OR52A5: variants seen among roughly 807,000 people sequenced by gnomAD.
The protein encoded by OR52A5 is olfactory receptor family 52 subfamily A member 5.
Under a neutral mutation model 18.2 loss-of-function variants are expected in OR52A5, and 16 were observed. The observed-to-expected ratio is 0.88, with a 90% CI of 0.60 to 1.34. The LOEUF (loss-of-function observed/expected upper bound fraction) is 1.34. Among genes scored for constraint, OR52A5 ranks in the 40% most tolerant of loss-of-function variants. The pLI, the probability that OR52A5 is intolerant of heterozygous loss-of-function variation, is 0.00. For synonymous variants in OR52A5, 140 were observed against 137.2 expected (o/e 1.02, Z -0.14); for missense variants, 418 against 383.0 (o/e 1.09, Z -0.76).
intron 1 of OR52A5, among the ~76,000 whole-genome samples, chr11:5,133,033 C>A (rs1199058581): frequency 7.9e-5 from 12 of 152,066 alleles, no homozygotes; most frequent in African/African-American, 2.9e-4. Flanking sequence ...TAATGCAGAG[C>A]AAAGAATTTT....
chr11:5,133,118 C>A (rs1031665437), intron 1 of OR52A5, among the ~76,000 whole-genome samples: 10 of 151,780 alleles, frequency 6.6e-5, no homozygotes, highest in Non-Finnish European at 1.5e-4. Flanking sequence ...GCCTGTAATC[C>A]CAGGACTTTG....
At chr11:5,135,929 A>C (rs1846389053) in intron 1 of OR52A5, among the ~76,000 whole-genome samples, 1 of 152,308 alleles carries the variant, frequency 6.6e-6, no homozygotes, top group Admixed American at 6.5e-5. Flanking sequence ...GCTCGGAATA[A>C]ATATCTTCAA....
intron 1 of OR52A5, 42 bp from the exon 2 acceptor site, chr11:5,132,744 G>A: frequency 4.4e-6 from 3 of 684,372 alleles, no homozygotes; most frequent in Non-Finnish European, 7.2e-6. Flanking sequence ...TTTATTTTAG[G>A]AAAATATACT....
rs1020615275 is a variant in OR52A5, at chr11:5,131,204, A to G, written c.*488T>C. The G allele has an allele frequency of 6.5e-6, 1 of 153,658 alleles. No individual in the cohort carries two copies. The highest frequency in any genetic ancestry group is 2.4e-5 in the African/African-American group (1 of 41,462). 9.5% of individuals were successfully genotyped at this position (153,658 alleles called of 1,614,324 possible). A position where few individuals can be genotyped will look rare whatever the true frequency, so the allele number is the denominator to read the frequency against. On this transcript the variant is annotated 3_prime_UTR_variant, in exon 2 of 2. Coordinates refer to ENST00000307388, the MANE Select transcript of OR52A5 (RefSeq NM_001005160.3). Reference sequence around the variant, plus strand: ...GCTTTCAGTGGGTAACAGAATTTGTATGTTCAATTTTAGAACTTAAACTTC... The same window carrying G: ...GCTTTCAGTGGGTAACAGAATTTGTGTGTTCAATTTTAGAACTTAAACTTC...
At chr11:5,136,846 G>A (rs1284634509) in intron 1 of OR52A5, among the ~76,000 whole-genome samples, 1 of 152,168 alleles carries the variant, frequency 6.6e-6, no homozygotes, top group Non-Finnish European at 1.5e-5. Flanking sequence ...AAATGTAAAA[G>A]GGAAAGGATC....
At chr11:5,133,482 T>TTG (rs1324385956) in intron 1 of OR52A5, among the ~76,000 whole-genome samples, 3 of 151,126 alleles carry the variant, frequency 2.0e-5, no homozygotes, top group African/African-American at 7.3e-5. Context: ...TGGCTGTTTT[T>TTG]TTTTTTTTTC....
In OR52A5 at chr11:5,132,042, A is replaced by G. The variant is rs767250542; in HGVS notation, c.601T>C (p.Tyr201His). The change falls in exon 2 of 2, where the codon TAT becomes CAT. Residue 201 changes from tyrosine (Y) to histidine (H), a missense_variant. Physicochemically the swap from Tyr to His is moderately conservative, Grantham distance 83 (BLOSUM62 2). Coordinates refer to ENST00000307388, the MANE Select transcript of OR52A5 (RefSeq NM_001005160.3). Reference protein sequence around the residue: ...ATEDIRVNKIYGLFVAFAILG... With the variant: ...ATEDIRVNKIHGLFVAFAILG... ...ATTGCAAAGGCAACAAATAGGCCATATATCTTGTTGACTCGGATATCTTCA... is the reference window on the plus strand; with the variant it reads ...ATTGCAAAGGCAACAAATAGGCCATGTATCTTGTTGACTCGGATATCTTCA... The G allele has an allele frequency of 1.9e-6, 3 of 1,614,106 alleles. No homozygotes were observed. The highest frequency in any genetic ancestry group is 2.7e-5 in the African/African-American group (2 of 74,944).
In OR52A5 at chr11:5,132,012, C is replaced by T; in HGVS notation, c.631G>A (p.Gly211Arg). Residue 211 changes from glycine (G) to arginine (R), a missense_variant, in exon 2 of 2, where the codon GGG (glycine) becomes AGG (arginine). Coordinates refer to ENST00000307388, the MANE Select transcript of OR52A5 (RefSeq NM_001005160.3). ...AAGGTTATAAATATTATGTCAAACC[C>T]TAGGATTGCAAAGGCAACAAATAGG... ...YGLFVAFAIL[G>R]FDIIFITLSY... is the part of the protein sequence containing the mutation. The T allele has an allele frequency of 6.2e-7, 1 of 1,614,098 alleles. No individual in the cohort carries two copies. Among genetic ancestry groups the T allele is most frequent in the Non-Finnish European group, 8.5e-7 (1 of 1,180,012 alleles).
At chr11:5,136,734 A>T (rs1846395593) in intron 1 of OR52A5, among the ~76,000 whole-genome samples, 1 of 152,248 alleles carries the variant, frequency 6.6e-6, no homozygotes, top group Admixed American at 6.5e-5. Flanking sequence ...AAGACAAAAT[A>T]GTTTGTATAA....
intron 1 of OR52A5, among the ~76,000 whole-genome samples, chr11:5,133,363 C>CCAA (rs1554906436): frequency 1.1e-4 from 7 of 62,392 alleles, no homozygotes; most frequent in African/African-American, 4.6e-4. Context: ...GCGAGACTGT[C>CCAA]AAAAAAAAAA....
rs1846323564 is a variant in OR52A5, at chr11:5,130,268, G to T, written c.*1424C>A. The T allele has an allele frequency of 6.6e-6, 1 of 151,830 alleles. No individual in the cohort carries two copies. The highest frequency in any genetic ancestry group is 1.5e-5 in the Non-Finnish European group (1 of 67,928). 9.4% of individuals were successfully genotyped at this position (151,830 alleles called of 1,614,324 possible). A position where few individuals can be genotyped will look rare whatever the true frequency, so the allele number is the denominator to read the frequency against. ...TTCATTCACTCATGATTAATCTGTA[G>T]TTATCATCATATTGTTTGTTTTGGT... On this transcript the variant is annotated 3_prime_UTR_variant, in exon 2 of 2. Coordinates refer to ENST00000307388, the MANE Select transcript of OR52A5 (RefSeq NM_001005160.3).
chr11:5,132,126 G>C lies in OR52A5; in HGVS notation c.517C>G (p.Arg173Gly), dbSNP rs139667116. The C allele has an allele frequency of 3.3e-5, 53 of 1,614,168 alleles. 1 individual carries two copies. The South Asian group carries it at 5.4e-4, about 16-fold the overall frequency. Residue 173 changes from arginine (R) to glycine (G), a missense_variant, in exon 2 of 2, where the codon CGA (arginine) becomes GGA (glycine). Transcript: ENST00000307388. ...GLIKCCLKHY[R>G]TTVISHSYCE... is the part of the protein sequence containing the mutation. Reference sequence around the variant, plus strand: ...TAAGAGTGAGAGATGACTGTAGTTCGATAGTGTTTCAGACAGCATTTGATG... The same window carrying C: ...TAAGAGTGAGAGATGACTGTAGTTCCATAGTGTTTCAGACAGCATTTGATG...
In OR52A5 at chr11:5,132,165, G is replaced by T; in HGVS notation, c.478C>A (p.Pro160Thr). ...VTLRAAILII[P>T]SLGLIKCCLK... ...CAGCATTTGATGAGCCCTAAGGAAGGTATTATAAGAATGGCAGCCCTGAGT... is the reference window on the plus strand; with the variant it reads ...CAGCATTTGATGAGCCCTAAGGAAGTTATTATAAGAATGGCAGCCCTGAGT... Residue 160 changes from proline (P) to threonine (T), a missense_variant, in exon 2 of 2, where the codon CCT (proline) becomes ACT (threonine). Physicochemically the swap from Pro to Thr is conservative, Grantham distance 38. Transcript: ENST00000307388. 2 of 1,614,122 alleles carry T rather than the reference G, an allele frequency of 1.2e-6. No homozygotes were observed. The highest frequency in any genetic ancestry group is 1.3e-5 in the African/African-American group (1 of 75,032).
rs367550320 is a variant in OR52A5, at chr11:5,130,005, A to G, written c.*1687T>C. The G allele has an allele frequency of 5.9e-5, 9 of 152,044 alleles. No individual in the cohort carries two copies. The East Asian group carries it at 1.6e-3, about 26-fold the overall frequency. The allele number at this position is 152,044 out of a possible 1,614,324, so 9.4% of individuals were successfully genotyped here. On this transcript the variant is annotated 3_prime_UTR_variant, in exon 2 of 2. Coordinates refer to ENST00000307388, the MANE Select transcript of OR52A5 (RefSeq NM_001005160.3). ...AGTCTAATTATGACACAAATTTTTC[A>G]TTTAATTTTTTTCCATTAGATAATG...
At chr11:5,137,507 CCTCTCTCT>C (rs938261439) in intron 1 of OR52A5, among the ~76,000 whole-genome samples, 1 of 151,916 alleles carries the variant, frequency 6.6e-6, no homozygotes, top group African/African-American at 2.4e-5. Context: ...AAACTCTCTC[CCTCTCTCT>C]CTTTTTTTTT....
Position 5,132,250 on chromosome 11 carries a change from G to T in OR52A5, c.393C>A (p.Pro131=). 6.2e-7 allele frequency: 1 copy of T among 1,614,124 alleles called. No individual in the cohort carries two copies. Among genetic ancestry groups the T allele is most frequent in the Non-Finnish European group, 8.5e-7 (1 of 1,180,020 alleles). The change falls in exon 2 of 2, where the codon CCC becomes CCA. Residue 131 remains proline, a synonymous_variant. Transcript: ENST00000307388. ...GGGAAAAGATGGTGGCATGTCTCAAGGGGATACAGATGGCCACATAGCGAT... is the reference window on the plus strand; with the variant it reads ...GGGAAAAGATGGTGGCATGTCTCAATGGGATACAGATGGCCACATAGCGAT... The part of the protein sequence containing the change: ...ALDRYVAICI[P]LRHATIFSQQ...
At chr11:5,132,729 G>A in intron 1 of OR52A5, 27 bp from the exon 2 acceptor site, 1 of 805,476 alleles carries the variant, frequency 1.2e-6, no homozygotes, top group South Asian at 2.3e-5. Context: ...TTAAAAATAT[G>A]TTAATTTATT....
rs1846314146 is a variant in OR52A5, at chr11:5,129,419, A to T, written c.*2273T>A. 6.6e-6 allele frequency: 1 copy of T among 152,080 alleles called. No individual in the cohort carries two copies. Among genetic ancestry groups the T allele is most frequent in the Non-Finnish European group, 1.5e-5 (1 of 68,008 alleles). 9.4% of individuals were successfully genotyped at this position (152,080 alleles called of 1,614,324 possible). A position where few individuals can be genotyped will look rare whatever the true frequency, so the allele number is the denominator to read the frequency against. ...GACCTTTTTGATTCCTAGCTAGGATACCTATTTATCCATCTTTAACTTAAG... is the reference window on the plus strand; with the variant it reads ...GACCTTTTTGATTCCTAGCTAGGATTCCTATTTATCCATCTTTAACTTAAG... On this transcript the variant is annotated 3_prime_UTR_variant, in exon 2 of 2. Coordinates refer to ENST00000307388, the MANE Select transcript of OR52A5 (RefSeq NM_001005160.3).
intron 1 of OR52A5, among the ~76,000 whole-genome samples, chr11:5,133,363 C>CCAAA (rs1554906436): frequency 1.6e-5 from 1 of 62,392 alleles, no homozygotes; most frequent in African/African-American, 6.6e-5. Flanking sequence ...GCGAGACTGT[C>CCAAA]AAAAAAAAAA....
Sources: allele counts gnomAD v4.1 joint callset (sites outside exome capture counted in the v4.1 genomes callset), GRCh38; gene constraint gnomAD v4.1.1; transcripts MANE v1.5; gene names NCBI Gene and HGNC (gene_info 2026-07-23, HGNC 2026-07-21).